HDLBP: variants seen among roughly 807,000 people sequenced by gnomAD.
HDLBP encodes vigilin.
HDLBP carries 30 observed loss-of-function variants against 137.3 expected under a neutral mutation model. The ratio of observed to expected loss-of-function variants is 0.22; its 90% CI spans 0.16 to 0.30. HDLBP has a LOEUF of 0.30. Ranked by LOEUF, HDLBP falls within the 10% of genes least tolerant of loss-of-function variation. The pLI is 1.00. For missense variants in HDLBP, 1,119 were observed against 1,667.3 expected, an observed-to-expected ratio of 0.67 and a Z score of 5.73; for synonymous variants, 606 against 596.0, an observed-to-expected ratio of 1.02 and a Z score of -0.24.
intron 5 of HDLBP, 78 bp from the exon 6 acceptor site, chr2:241,256,884 C>G: frequency 8.2e-7 from 1 of 1,222,332 alleles, no homozygotes; most frequent in Non-Finnish European, 1.2e-6. Flanking sequence ...GACATTCTGG[C>G]AGAAACACCA....
At chr2:241,289,097 T>A (rs1468944148) in intron 1 of HDLBP, among the ~76,000 whole-genome samples, 1 of 152,264 alleles carries the variant, frequency 6.6e-6, no homozygotes, top group African/African-American at 2.4e-5. Flanking sequence ...GAAAGATTAA[T>A]CTTGGGCTCA....
rs1481942048 is a variant in HDLBP, at chr2:241,239,157, T to C, written c.2611-370A>G. 6.6e-6 allele frequency among the ~76,000 whole-genome samples: 1 copy of C among 152,180 alleles called. No homozygotes were observed. The highest frequency in any genetic ancestry group is 1.9e-4 in the East Asian group (1 of 5,194). ...GGAGTGGCCTGGAGGGGACACTCTCTAAAGACTGCTTCTAAAGACCACGTC... is the reference window on the plus strand; with the variant it reads ...GGAGTGGCCTGGAGGGGACACTCTCCAAAGACTGCTTCTAAAGACCACGTC... On this transcript the variant is annotated intron_variant, in intron 19 of 27. Coordinates refer to ENST00000310931, the MANE Select transcript of HDLBP (RefSeq NM_005336.6). This position sits in a 1 kb window ranked among gnomAD's most constrained non-coding sequence, Gnocchi z 4.6.
At chr2:241,246,705 T>C (rs761771313) in intron 16 of HDLBP, 47 bp downstream of exon 16, 21 of 1,588,130 alleles carry the variant, frequency 1.3e-5, no homozygotes, top group Middle Eastern at 1.8e-4. Context: ...TTAGAGGCTG[T>C]TAGAGATTTT....
Position 241,256,822 on chromosome 2 carries a change from A to T in HDLBP, c.451-16T>A. The T allele has an allele frequency of 6.2e-7, 1 of 1,602,070 alleles. No homozygotes were observed. The highest frequency in any genetic ancestry group is 8.6e-7 in the Non-Finnish European group (1 of 1,169,328). On this transcript the variant is annotated splice_polypyrimidine_tract_variant and intron_variant, in intron 5 of 27. Coordinates refer to ENST00000310931, the MANE Select transcript of HDLBP (RefSeq NM_005336.6). ...TTGCTGAGGCCTATAGCAAGAAGAG[A>T]ATAAAAGAAAACAAGAATATTTGTA... is the stretch of plus-strand genomic sequence containing the variant.
chr2:241,263,186 A>G (rs762044399), intron 4 of HDLBP, among the ~76,000 whole-genome samples: 3 of 152,246 alleles, frequency 2.0e-5, no homozygotes, highest in Non-Finnish European at 4.4e-5. Context: ...TGAAATCAAC[A>G]GGGGCAAGAG....
At chr2:241,231,213 C>T (rs535801854) in intron 24 of HDLBP, 7 of 351,894 alleles carry the variant, frequency 2.0e-5, no homozygotes, top group East Asian at 1.2e-4. Flanking sequence ...GGAGAAACCC[C>T]GCCTCTACTA....
chr2:241,283,816 A>G (rs1185110835), intron 1 of HDLBP, among the ~76,000 whole-genome samples: 1 of 152,180 alleles, frequency 6.6e-6, no homozygotes, highest in Non-Finnish European at 1.5e-5. Flanking sequence ...AAGCTTCAAA[A>G]GGCTGACTCT....
At chr2:241,286,499 C>T (rs963133814) in intron 1 of HDLBP, among the ~76,000 whole-genome samples, 7 of 152,202 alleles carry the variant, frequency 4.6e-5, no homozygotes, top group Non-Finnish European at 1.0e-4. Context: ...GTCCCCTCCC[C>T]ACTTGGAGTC....
intron 1 of HDLBP, among the ~76,000 whole-genome samples, chr2:241,289,964 A>C (rs538807482): frequency 2.0e-5 from 3 of 152,352 alleles, no homozygotes; most frequent in Admixed American, 2.0e-4. Flanking sequence ...AGCTAAAAAA[A>C]AAAAATCTGG....
At chr2:241,237,728 C>T (rs74680947) in intron 20 of HDLBP, among the ~76,000 whole-genome samples, 1 of 151,870 alleles carries the variant, frequency 6.6e-6, no homozygotes, top group Non-Finnish European at 1.5e-5. Context: ...AGAAAAAAAA[C>T]GTGTGTAAAA....
chr2:241,310,719 T>C (rs2075733401), intron 1 of HDLBP, among the ~76,000 whole-genome samples: 1 of 152,136 alleles, frequency 6.6e-6, no homozygotes, highest in South Asian at 2.1e-4. Context: ...TGCCCAGCGT[T>C]GAAGAACATG....
rs1488775723 is a variant in HDLBP, at chr2:241,262,601, G to A, written c.450+110C>T. On this transcript the variant is annotated intron_variant, in intron 5 of 27. Transcript: ENST00000310931. ...GTTGCTGTCCTACCTCCAAAAGACG[G>A]AACTGTCCCACTGGTAGGAAGGGTC... 12 of 772,438 alleles carry A rather than the reference G, an allele frequency of 1.6e-5. 1 individual carries two copies. The South Asian group carries it at 1.8e-4, about 12-fold the overall frequency. The allele number at this position is 772,438 out of a possible 1,614,324, so 47.8% of individuals were successfully genotyped here.
At chr2:241,262,377 G>A (rs1195274120) in intron 5 of HDLBP, among the ~76,000 whole-genome samples, 1 of 152,164 alleles carries the variant, frequency 6.6e-6, no homozygotes, top group Non-Finnish European at 1.5e-5. Context: ...CCAGGAGTTT[G>A]AGGCCACAGT....
rs946390805 is a variant in HDLBP, at chr2:241,291,066, G to A, written c.-102-22525C>T. ...GGGGAAGCTCTGTATCACACGAGGC[G>A]CTTTACTTTTCAAAGATGCCTCCAT... On this transcript the variant is annotated intron_variant, in intron 1 of 27. Transcript: ENST00000310931. Among the ~76,000 whole-genome samples the A allele has an allele frequency of 1.2e-4, 19 of 152,134 alleles. 1 individual carries two copies. Among genetic ancestry groups the A allele is most frequent in the African/African-American group, 4.3e-4 (18 of 41,420 alleles).
intron 11 of HDLBP, 22 bp downstream of exon 11, chr2:241,252,935 C>T (rs200062198): frequency 1.3e-5 from 21 of 1,572,358 alleles, no homozygotes; most frequent in African/African-American, 2.7e-5. Context: ...CTGGCCCCAC[C>T]GCAACAGACA....
At chr2:241,290,333 G>A (rs747878402) in intron 1 of HDLBP, among the ~76,000 whole-genome samples, 1 of 152,126 alleles carries the variant, frequency 6.6e-6, no homozygotes, top group Non-Finnish European at 1.5e-5. Context: ...AGAAGAGGCC[G>A]GGTACAGTGG....
intron 17 of HDLBP, among the ~76,000 whole-genome samples, chr2:241,241,349 C>A (rs1559490131): frequency 6.6e-6 from 1 of 151,894 alleles, no homozygotes; most frequent in Non-Finnish European, 1.5e-5. Flanking sequence ...GGGCGGATCA[C>A]GAGGTCAGGA....
chr2:241,288,995 TG>T (rs1379017188), intron 1 of HDLBP, among the ~76,000 whole-genome samples: 1 of 152,268 alleles, frequency 6.6e-6, no homozygotes, highest in Non-Finnish European at 1.5e-5. Flanking sequence ...GAAAGTTCTA[TG>T]AGCTAGAATT....
intron 24 of HDLBP, 82 bp from the exon 25 acceptor site, chr2:241,231,026 G>T: frequency 8.3e-7 from 1 of 1,198,104 alleles, no homozygotes; most frequent in South Asian, 1.3e-5. Context: ...CCACTGCTGA[G>T]GAAAACAGCT....
Sources: gnomAD v4.1 joint callset for allele counts (sites outside exome capture counted in the v4.1 genomes callset) on GRCh38, gnomAD v4.1.1 for gene constraint, Gnocchi (gnomAD v3.1) non-coding constraint, MANE v1.5 for transcripts, NCBI Gene and HGNC (gene_info 2026-07-23, HGNC 2026-07-21) for gene names.